The following XPNPEP3 variants were observed in gnomAD, a reference collection of about 807,000 sequenced individuals.
XPNPEP3 encodes the protein X-prolyl aminopeptidase 3.
Under a neutral mutation model 60.0 loss-of-function variants are expected in XPNPEP3, and 41 were observed. The ratio of observed to expected loss-of-function variants is 0.68; its 90% CI spans 0.53 to 0.89. The LOEUF (loss-of-function observed/expected upper bound fraction) is 0.89. Among genes scored for constraint, XPNPEP3 ranks in the 40% least tolerant of loss-of-function variants. The pLI, the probability that XPNPEP3 is intolerant of heterozygous loss-of-function variation, is 0.00. For synonymous variants in XPNPEP3, 212 were observed against 223.2 expected (o/e 0.95, Z 0.45); for missense variants, 598 against 638.9 (o/e 0.94, Z 0.69).
intron 2 of XPNPEP3, among the ~76,000 whole-genome samples, chr22:40,874,810 A>G (rs1306890497): frequency 6.6e-6 from 1 of 152,150 alleles, no homozygotes; most frequent in African/African-American, 2.4e-5. Flanking sequence ...GGTGCATGAG[A>G]TGCCTGATGA....
intron 7 of XPNPEP3, among the ~76,000 whole-genome samples, chr22:40,919,057 TTTGA>T (rs1350285145): frequency 6.6e-6 from 1 of 151,874 alleles, no homozygotes; most frequent in Non-Finnish European, 1.5e-5. Flanking sequence ...AAGGTTTATG[TTTGA>T]TTGATTTGTT....
chr22:40,864,568 G>T (rs1044643902), intron 1 of XPNPEP3, among the ~76,000 whole-genome samples: 2 of 151,792 alleles, frequency 1.3e-5, no homozygotes, highest in Non-Finnish European at 2.9e-5. Context: ...GCCTCAGCCC[G>T]CTGAGTAGCT....
At chr22:40,887,457 G>A (rs749241598) in intron 4 of XPNPEP3, among the ~76,000 whole-genome samples, 7 of 152,284 alleles carry the variant, frequency 4.6e-5, no homozygotes, top group South Asian at 4.2e-4. Flanking sequence ...CTGGAAGTCC[G>A]AGATCAAGGT....
chr22:40,866,580 G>GT (rs1451247052), intron 1 of XPNPEP3, among the ~76,000 whole-genome samples: 1 of 152,124 alleles, frequency 6.6e-6, no homozygotes. Flanking sequence ...CTGCAATAAT[G>GT]TTTTTTGAGG....
chr22:40,880,331 A>G (rs924458150), intron 2 of XPNPEP3, among the ~76,000 whole-genome samples: 1 of 151,956 alleles, frequency 6.6e-6, no homozygotes, highest in Non-Finnish European at 1.5e-5. Flanking sequence ...AGCTATACCA[A>G]ACGACTTGAA....
chr22:40,892,751 A>C (rs2058092864), intron 4 of XPNPEP3, among the ~76,000 whole-genome samples: 1 of 152,176 alleles, frequency 6.6e-6, no homozygotes, highest in Non-Finnish European at 1.5e-5. Context: ...ACACCTAAAT[A>C]GACTCATTTC....
chr22:40,883,154 C>T (rs895052167), intron 3 of XPNPEP3, among the ~76,000 whole-genome samples: 4 of 152,190 alleles, frequency 2.6e-5, no homozygotes, highest in African/African-American at 9.7e-5. Context: ...TATCTTAGTG[C>T]TCTTGCCAGC....
chr22:40,913,808 T>C lies in XPNPEP3; in HGVS notation c.970-431T>C, dbSNP rs191855330. On this transcript the variant is annotated intron_variant, in intron 6 of 9. Coordinates refer to ENST00000357137, the MANE Select transcript of XPNPEP3 (RefSeq NM_022098.4). ...AAAGTTTAGATGCTGTGTAGATAAA[T>C]AGAAGAAACCAGCAATTAGTGTCCT... Among the ~76,000 whole-genome samples the C allele has an allele frequency of 4.3e-4, 66 of 152,010 alleles. 2 individuals carry two copies. Among genetic ancestry groups the C allele is most frequent in the Middle Eastern group, 6.8e-3 (2 of 294 alleles).
intron 2 of XPNPEP3, among the ~76,000 whole-genome samples, chr22:40,880,721 G>T (rs908584810): frequency 6.6e-6 from 1 of 151,588 alleles, no homozygotes; most frequent in Non-Finnish European, 1.5e-5. Flanking sequence ...CCAGCACTTT[G>T]GGAGGCTGAG....
intron 3 of XPNPEP3, among the ~76,000 whole-genome samples, chr22:40,883,675 T>TG (rs2058057423): frequency 6.6e-6 from 1 of 152,194 alleles, no homozygotes; most frequent in Non-Finnish European, 1.5e-5. Flanking sequence ...GTTGAGTTCT[T>TG]GTCCCTCAAA....
chr22:40,899,472 A>T (rs1302782686), intron 4 of XPNPEP3, among the ~76,000 whole-genome samples: 1 of 152,122 alleles, frequency 6.6e-6, no homozygotes, highest in Non-Finnish European at 1.5e-5. Context: ...ACCAAGGATG[A>T]ATTTTTTTAA....
At chr22:40,889,883 AC>A (rs1445024624) in intron 4 of XPNPEP3, among the ~76,000 whole-genome samples, 1 of 152,208 alleles carries the variant, frequency 6.6e-6, no homozygotes, top group Non-Finnish European at 1.5e-5. Context: ...AAGGGTTGGT[AC>A]TGATTTAAAC....
intron 4 of XPNPEP3, among the ~76,000 whole-genome samples, chr22:40,906,189 T>C (rs934835833): frequency 2.0e-5 from 3 of 152,062 alleles, no homozygotes; most frequent in Admixed American, 2.0e-4. Flanking sequence ...GATCCTCTCA[T>C]CTCAGCGTCC....
intron 1 of XPNPEP3, chr22:40,859,473 T>A (rs1314556054): frequency 6.6e-6 from 1 of 151,592 alleles, no homozygotes; most frequent in East Asian, 1.9e-4. Context: ...AAAATTGCAA[T>A]TTTTTTTTCA....
intron 5 of XPNPEP3, among the ~76,000 whole-genome samples, chr22:40,908,277 T>A (rs2058163973): frequency 6.6e-6 from 1 of 150,844 alleles, no homozygotes. Context: ...TCCATTACTT[T>A]GGAAGGCTGA....
intron 9 of XPNPEP3, 109 bp downstream of exon 9, chr22:40,924,591 T>C: frequency 6.8e-7 from 1 of 1,475,038 alleles, no homozygotes; most frequent in African/African-American, 1.4e-5. Flanking sequence ...TGGTGTGATC[T>C]TCACTCACTG....
chr22:40,904,844 C>T (rs1395532445), intron 4 of XPNPEP3, among the ~76,000 whole-genome samples: 1 of 149,240 alleles, frequency 6.7e-6, no homozygotes, highest in East Asian at 2.0e-4. Flanking sequence ...AGCTCACTGC[C>T]ACCTCCACCT....
At chr22:40,888,456 C>T (rs1484419676) in intron 4 of XPNPEP3, 1 of 429,102 alleles carries the variant, frequency 2.3e-6, no homozygotes, top group Admixed American at 2.5e-5. Context: ...GTTGTCCAGG[C>T]TAGTCTCGAA....
intron 1 of XPNPEP3, 95 bp downstream of exon 1, chr22:40,857,340 G>A (rs1237685860): frequency 1.4e-5 from 20 of 1,387,810 alleles, no homozygotes; most frequent in African/African-American, 1.4e-5. Context: ...CCCTTCTCCT[G>A]GTGGGGCCTC....
Sources: gnomAD v4.1 joint callset for allele counts (sites outside exome capture counted in the v4.1 genomes callset) on GRCh38, gnomAD v4.1.1 for gene constraint, MANE v1.5 for transcripts, NCBI Gene and HGNC (gene_info 2026-07-23, HGNC 2026-07-21) for gene names.